Variants in CYTH1 observed in about 807,000 individuals in gnomAD.
CYTH1 encodes cytohesin-1.
A neutral mutation model predicts 61.8 loss-of-function variants in CYTH1; 18 were observed. The ratio of observed to expected loss-of-function variants is 0.29; its 90% CI spans 0.20 to 0.43. The LOEUF (loss-of-function observed/expected upper bound fraction) is 0.43, where lower values mean the gene tolerates loss of function less well. Ranked by LOEUF, CYTH1 falls within the 20% of genes least tolerant of loss-of-function variation. The pLI, the probability that CYTH1 is intolerant of heterozygous loss-of-function variation, is 1.00. For synonymous variants in CYTH1, 174 were observed against 184.3 expected, an observed-to-expected ratio of 0.94 and a Z score of 0.45; for missense variants, 336 against 510.5, an observed-to-expected ratio of 0.66 and a Z score of 3.29.
chr17:78,712,692 ATAAT>A (rs2144454587), intron 1 of CYTH1, among the ~76,000 whole-genome samples: 1 of 152,060 alleles, frequency 6.6e-6, no homozygotes, highest in South Asian at 2.1e-4. Context: ...AAAATAAAAA[ATAAT>A]TATTTCATAA....
At chr17:78,716,065 T>C (rs1047021814) in intron 1 of CYTH1, among the ~76,000 whole-genome samples, 1 of 151,722 alleles carries the variant, frequency 6.6e-6, no homozygotes, top group African/African-American at 2.4e-5. Flanking sequence ...GAACTGAAAA[T>C]TGTGATCAAC....
chr17:78,685,721 C>G (rs1408295872), intron 11 of CYTH1, among the ~76,000 whole-genome samples: 2 of 152,044 alleles, frequency 1.3e-5, no homozygotes, highest in East Asian at 3.8e-4. Flanking sequence ...TACTGTCAAG[C>G]AATTTTTTTT....
chr17:78,743,913 G>A (rs182624420), intron 1 of CYTH1, among the ~76,000 whole-genome samples: 17 of 152,326 alleles, frequency 1.1e-4, no homozygotes, highest in African/African-American at 4.1e-4. Context: ...AGGCAGTAAT[G>A]TGTAGAGACC....
intron 1 of CYTH1, among the ~76,000 whole-genome samples, chr17:78,737,389 A>G (rs1368984538): frequency 1.3e-5 from 2 of 152,056 alleles, no homozygotes; most frequent in Non-Finnish European, 2.9e-5. Flanking sequence ...ACCTTTTTTT[A>G]TTTTCCAAAT....
At chr17:78,702,445 T>TAC in intron 4 of CYTH1, 93 bp downstream of exon 4, 3 of 1,369,868 alleles carry the variant, frequency 2.2e-6, no homozygotes, top group Non-Finnish European at 2.0e-6. Context: ...ACATGAACTG[T>TAC]AACGCTTGGA....
chr17:78,722,674 C>T (rs927487757), intron 1 of CYTH1, among the ~76,000 whole-genome samples: 10 of 152,216 alleles, frequency 6.6e-5, no homozygotes. Flanking sequence ...TGTTTGTTTG[C>T]TAGCCCTTTG....
At chr17:78,765,168 T>C (rs188868956) in intron 1 of CYTH1, among the ~76,000 whole-genome samples, 1 of 152,150 alleles carries the variant, frequency 6.6e-6, no homozygotes, top group African/African-American at 2.4e-5. Flanking sequence ...GGGGCATGGG[T>C]ATCCCTGATG....
intron 1 of CYTH1, among the ~76,000 whole-genome samples, chr17:78,773,405 G>A (rs35851210): frequency 0.038 from 5,771 of 152,178 alleles, 161 homozygotes; most frequent in East Asian, 0.065. Flanking sequence ...CGAGGCGGAC[G>A]GATCACCTGA....
chr17:78,770,404 G>C (rs556002637), intron 1 of CYTH1, among the ~76,000 whole-genome samples: 1 of 150,550 alleles, frequency 6.6e-6, no homozygotes, highest in East Asian at 1.9e-4. Context: ...AAATAGGCGG[G>C]TTTTTTTTGT....
At chr17:78,677,276 C>T (rs1005606579) in intron 13 of CYTH1, 2 of 362,702 alleles carry the variant, frequency 5.5e-6, no homozygotes, top group Admixed American at 3.6e-5. Flanking sequence ...CCAACCCTTT[C>T]GGGTAAGCTG....
intron 13 of CYTH1, chr17:78,677,171 A>C: frequency 2.4e-6 from 1 of 424,010 alleles, no homozygotes; most frequent in South Asian, 1.7e-5. Flanking sequence ...CGGTCTGACC[A>C]CCTGAAGTGC....
rs545571269 is a variant in CYTH1, at chr17:78,741,490, C to T, written c.23-31758G>A. Among the ~76,000 whole-genome samples, 296 of 152,170 alleles carry T rather than the reference C, an allele frequency of 1.9e-3. 2 individuals carry two copies. The highest frequency in any genetic ancestry group is 3.7e-3 in the Non-Finnish European group (249 of 68,000). The stretch of plus-strand genomic sequence containing the variant: ...TCAATCATTATCCCAGAGACAGAAA[C>T]ATTCCTAGAGTGGGAGTGTGCAGAA... On this transcript the variant is annotated intron_variant, in intron 1 of 13. Coordinates refer to ENST00000446868, the MANE Select transcript of CYTH1 (RefSeq NM_004762.6).
chr17:78,776,152 C>T (rs965027699), intron 1 of CYTH1, among the ~76,000 whole-genome samples: 7 of 151,984 alleles, frequency 4.6e-5, no homozygotes, highest in African/African-American at 1.7e-4. Flanking sequence ...AAAACTCTGT[C>T]TCAACAACAA....
In CYTH1 at chr17:78,709,733, C is replaced by T. The variant is rs1004388732; in HGVS notation, c.23-1G>A. 1 of 1,613,612 alleles carries T rather than the reference C, an allele frequency of 6.2e-7. No homozygotes were observed. Among genetic ancestry groups the T allele is most frequent in the Non-Finnish European group, 8.5e-7 (1 of 1,179,822 alleles). Reference sequence around the variant, plus strand: ...TCCTCTGCTGTCAGGTCACTGGGAACTACAAAAATGGAGGGCAATGTTACA... The same window carrying T: ...TCCTCTGCTGTCAGGTCACTGGGAATTACAAAAATGGAGGGCAATGTTACA... On this transcript the variant is annotated splice_acceptor_variant, in intron 1 of 13. Transcript: ENST00000446868. LOFTEE classifies it high-confidence loss of function.
intron 1 of CYTH1, chr17:78,727,774 C>T (rs1376440861): frequency 6.4e-6 from 3 of 468,870 alleles, no homozygotes; most frequent in Non-Finnish European, 1.3e-5. Context: ...CTTGGCTGCT[C>T]TCATGAGGCT....
rs146046169 is a variant in CYTH1, at chr17:78,702,142, G to A, written c.336C>T (p.Ile112=). Residue 112 remains isoleucine (I), a synonymous_variant, in exon 5 of 14, where the codon ATC becomes ATT. Transcript: ENST00000446868. ...YKGEGLNKTA[I]GDYLGERDEF... is the part of the protein sequence containing the mutation. ...CTTACCTCTCCCCTAGGTAGTCGCC[G>A]ATGGCTGTCTTGTTGAGCCCTTCGC... 7.4e-6 allele frequency: 12 copies of A among 1,613,884 alleles called. No individual in the cohort carries two copies. In the African/African-American group the frequency reaches 1.2e-4, roughly 16 times the overall value.
intron 1 of CYTH1, among the ~76,000 whole-genome samples, chr17:78,756,988 C>CTTTT (rs869039489): frequency 4.6e-5 from 6 of 129,764 alleles, no homozygotes; most frequent in East Asian, 2.3e-4. Flanking sequence ...TCTTTTTTTT[C>CTTTT]TTTTTTTTTT....
intron 9 of CYTH1, among the ~76,000 whole-genome samples, chr17:78,697,743 G>A (rs1346705072): frequency 6.6e-6 from 1 of 152,164 alleles, no homozygotes; most frequent in Non-Finnish European, 1.5e-5. Context: ...CGATGCACTG[G>A]GGTGGGGGCA....
chr17:78,701,186 G>A (rs1451278038), intron 6 of CYTH1, among the ~76,000 whole-genome samples: 1 of 151,556 alleles, frequency 6.6e-6, no homozygotes, highest in Non-Finnish European at 1.5e-5. Context: ...TTTAATTGTG[G>A]ATTGTTTCCA....
Sources: allele counts gnomAD v4.1 joint callset (sites outside exome capture counted in the v4.1 genomes callset), GRCh38; gene constraint gnomAD v4.1.1; transcripts MANE v1.5; gene names NCBI Gene and HGNC (gene_info 2026-07-23, HGNC 2026-07-21).